The following SCARA5 variants were observed in gnomAD, a reference collection of about 807,000 sequenced individuals.
SCARA5 encodes the protein scavenger receptor class A member 5, also known as scavenger receptor class A, member 5 (putative).
In SCARA5, 45 loss-of-function variants were observed where a neutral mutation model predicts 46.3. The ratio of observed to expected loss-of-function variants is 0.97; its 90% CI spans 0.76 to 1.24. The LOEUF (loss-of-function observed/expected upper bound fraction) is 1.24, where lower values mean the gene tolerates loss of function less well. SCARA5 is among the 50% of genes most tolerant of loss of function. SCARA5 has a pLI of 0.00. For missense variants in SCARA5, 680 were observed against 689.0 expected, an observed-to-expected ratio of 0.99 and a Z score of 0.15; for synonymous variants, 333 against 306.5, an observed-to-expected ratio of 1.09 and a Z score of -0.90.
Position 27,907,252 on chromosome 8 carries a change from G to T in SCARA5, c.998-6C>A. On this transcript the variant is annotated splice_polypyrimidine_tract_variant and splice_region_variant and intron_variant, in intron 5 of 8. Transcript: ENST00000354914. ...ACCTCTCTCCCCGGGCAGACCTGGG[G>T]AGAAAACAGACAAATGGCAGAGCCT... 1 of 1,605,680 alleles carries T rather than the reference G, an allele frequency of 6.2e-7. No individual in the cohort carries two copies. Among genetic ancestry groups the T allele is most frequent in the Non-Finnish European group, 8.5e-7 (1 of 1,173,656 alleles).
chr8:27,968,489 C>G (rs1301116596), intron 2 of SCARA5, among the ~76,000 whole-genome samples: 1 of 152,208 alleles, frequency 6.6e-6, no homozygotes, highest in Non-Finnish European at 1.5e-5. Context: ...AAGGGTTTTG[C>G]TCCTAAATAT....
intron 7 of SCARA5, among the ~76,000 whole-genome samples, chr8:27,893,897 G>A (rs1367258819): frequency 2.0e-5 from 3 of 152,244 alleles, no homozygotes; most frequent in Admixed American, 2.0e-4. Flanking sequence ...GGAGGACTGT[G>A]TAGTGGCCAG....
At chr8:27,975,391 C>G (rs113978530) in intron 2 of SCARA5, among the ~76,000 whole-genome samples, 5 of 152,294 alleles carry the variant, frequency 3.3e-5, no homozygotes, top group African/African-American at 1.2e-4. Flanking sequence ...TTCTAGGAAG[C>G]ACTCTAGCAA....
At chr8:27,970,591 T>C (rs1808433516) in intron 2 of SCARA5, among the ~76,000 whole-genome samples, 1 of 152,238 alleles carries the variant, frequency 6.6e-6, no homozygotes, top group Non-Finnish European at 1.5e-5. Context: ...TGAGCTCCTG[T>C]TCTGGTCACA....
intron 2 of SCARA5, among the ~76,000 whole-genome samples, chr8:27,986,009 C>A (rs527324847): frequency 6.6e-6 from 1 of 152,190 alleles, no homozygotes; most frequent in Non-Finnish European, 1.5e-5. Flanking sequence ...TGACCCCTCC[C>A]ACCCCTGAGG....
chr8:27,925,220 C>T lies in SCARA5; in HGVS notation c.242-2975G>A, dbSNP rs184253950. Among the ~76,000 whole-genome samples the T allele has an allele frequency of 4.6e-3, 703 of 152,272 alleles. 6 individuals are homozygous for T. Among genetic ancestry groups the T allele is most frequent in the African/African-American group, 0.016 (679 of 41,544 alleles). ...AAAGAACAAAGCTGGAGGCATCATG[C>T]TACCTGACTTCAAACTACACTACAA... On this transcript the variant is annotated intron_variant, in intron 3 of 8. Transcript: ENST00000354914.
rs935268076 is a variant in SCARA5, at chr8:27,906,354, C to T, written c.1096+794G>A. Reference sequence around the variant, plus strand: ...TGACTGTAAAAGTAGGTTCCCCTAACGTAAACAAGGGGACTGCCTACAGGA... The same window carrying T: ...TGACTGTAAAAGTAGGTTCCCCTAATGTAAACAAGGGGACTGCCTACAGGA... On this transcript the variant is annotated intron_variant, in intron 6 of 8. Coordinates refer to ENST00000354914, the MANE Select transcript of SCARA5 (RefSeq NM_173833.6). Among the ~76,000 whole-genome samples, 13 of 152,184 alleles carry T rather than the reference C, an allele frequency of 8.5e-5. No individual in the cohort carries two copies. The East Asian group carries it at 1.9e-3, about 23-fold the overall frequency.
chr8:27,928,004 G>A (rs993166198), intron 3 of SCARA5, among the ~76,000 whole-genome samples: 1 of 152,166 alleles, frequency 6.6e-6, no homozygotes, highest in African/African-American at 2.4e-5. Flanking sequence ...AGGTACCGGG[G>A]CTAATCAGAA....
At chr8:27,979,384 A>G (rs983014033) in intron 2 of SCARA5, among the ~76,000 whole-genome samples, 2 of 152,166 alleles carry the variant, frequency 1.3e-5, no homozygotes, top group African/African-American at 2.4e-5. Flanking sequence ...GAAGGACTCA[A>G]TGTGGAATAA....
intron 8 of SCARA5, among the ~76,000 whole-genome samples, chr8:27,873,981 C>A (rs552291294): frequency 6.6e-6 from 1 of 152,096 alleles, no homozygotes; most frequent in African/African-American, 2.4e-5. Flanking sequence ...ACCCGTGAGG[C>A]GGAGGTTACA....
At chr8:27,937,333 A>G (rs912379476) in intron 3 of SCARA5, among the ~76,000 whole-genome samples, 4 of 152,132 alleles carry the variant, frequency 2.6e-5, no homozygotes, top group African/African-American at 9.7e-5. Flanking sequence ...TCACCTATGC[A>G]TGACCTTCAC....
chr8:27,942,080 C>T (rs1459856588), intron 3 of SCARA5, among the ~76,000 whole-genome samples: 1 of 152,018 alleles, frequency 6.6e-6, no homozygotes, highest in Non-Finnish European at 1.5e-5. Flanking sequence ...CTACCCACCT[C>T]GGCCTCCCAT....
chr8:27,894,608 G>C (rs1050945311), intron 7 of SCARA5, among the ~76,000 whole-genome samples: 1 of 152,198 alleles, frequency 6.6e-6, no homozygotes, highest in African/African-American at 2.4e-5. Flanking sequence ...GTGGATCTGG[G>C]ATCAAGCCCC....
intron 3 of SCARA5, among the ~76,000 whole-genome samples, chr8:27,940,513 T>G (rs1807925702): frequency 6.6e-6 from 1 of 152,176 alleles, no homozygotes; most frequent in Non-Finnish European, 1.5e-5. Flanking sequence ...GGTGATGAAA[T>G]CAGGGCTTGT....
intron 3 of SCARA5, among the ~76,000 whole-genome samples, chr8:27,954,687 A>T (rs568617556): frequency 6.6e-6 from 1 of 152,244 alleles, no homozygotes; most frequent in East Asian, 1.9e-4. Context: ...CTTTGTACTC[A>T]TTTCCTGGAG....
At chr8:27,880,457 T>C (rs895876344) in intron 7 of SCARA5, among the ~76,000 whole-genome samples, 12 of 149,298 alleles carry the variant, frequency 8.0e-5, no homozygotes, top group Middle Eastern at 3.6e-3. Context: ...AAAATACTAA[T>C]ATTTGCAAAC....
intron 1 of SCARA5, among the ~76,000 whole-genome samples, chr8:27,989,254 T>A (rs571377567): frequency 1.2e-4 from 17 of 147,336 alleles, no homozygotes; most frequent in Admixed American, 2.1e-4. Context: ...TCCCAACTCA[T>A]CCTCCTGAGT....
At chr8:27,899,848 A>T (rs890592530) in intron 7 of SCARA5, among the ~76,000 whole-genome samples, 1 of 152,164 alleles carries the variant, frequency 6.6e-6, no homozygotes, top group Non-Finnish European at 1.5e-5. Context: ...ACTCTTTAAG[A>T]CTTGGGTCAG....
At chr8:27,896,787 C>A (rs968996533) in intron 7 of SCARA5, among the ~76,000 whole-genome samples, 1 of 152,110 alleles carries the variant, frequency 6.6e-6, no homozygotes, top group Non-Finnish European at 1.5e-5. Flanking sequence ...ATTCAACAAA[C>A]GGCTCCCTAA....
Sources: allele counts gnomAD v4.1 joint callset (sites outside exome capture counted in the v4.1 genomes callset), GRCh38; gene constraint gnomAD v4.1.1; transcripts MANE v1.5; gene names NCBI Gene and HGNC (gene_info 2026-07-23, HGNC 2026-07-21).